Variants in TDRD12 observed in about 807,000 individuals in gnomAD.
The protein encoded by TDRD12 is tudor domain containing 12, also known as putative ATP-dependent RNA helicase TDRD12.
In TDRD12, 158 loss-of-function variants were observed where a neutral mutation model predicts 133.5. That is an observed-to-expected ratio of 1.18 (90% CI 1.04 to 1.35). The LOEUF is 1.35. TDRD12 is among the 40% of genes most tolerant of loss of function. TDRD12 has a pLI of 0.00. For synonymous variants in TDRD12, 460 were observed against 477.9 expected (o/e 0.96, Z 0.49); for missense variants, 1,443 against 1,321.3 (o/e 1.09, Z -1.43).
chr19:32,757,659 G>A (rs984186735), intron 8 of TDRD12, among the ~76,000 whole-genome samples: 1 of 152,156 alleles, frequency 6.6e-6, no homozygotes, highest in Non-Finnish European at 1.5e-5. Flanking sequence ...CTCACTTCAT[G>A]TCTTGGATAG....
chr19:32,797,892 G>C lies in TDRD12; in HGVS notation c.1630+1G>C, dbSNP rs767632411. 6.8e-5 allele frequency: 47 copies of C among 686,360 alleles called. No homozygotes were observed. The highest frequency in any genetic ancestry group is 2.5e-4 in the Admixed American group (11 of 44,666). The allele number at this position is 686,360 out of a possible 1,614,324, so 42.5% of individuals were successfully genotyped here. A position where few individuals can be genotyped will look rare whatever the true frequency, so the allele number is the denominator to read the frequency against. On this transcript the variant is annotated splice_donor_variant, in intron 15 of 27. Transcript: ENST00000444215. LOFTEE classifies it high-confidence loss of function. The stretch of plus-strand genomic sequence containing the variant: ...AAAAATACAAAGCTTCCAAGGGGCT[G>C]TAAGTATCCTTTTCAAGCGGCTATA...
At chr19:32,809,259 G>T (rs1966916659) in intron 22 of TDRD12, among the ~76,000 whole-genome samples, 1 of 152,084 alleles carries the variant, frequency 6.6e-6, no homozygotes, top group African/African-American at 2.4e-5. Context: ...TTTCACAGGG[G>T]CTCCAGCCTT....
At chr19:32,741,144 G>A (rs139006340) in intron 3 of TDRD12, among the ~76,000 whole-genome samples, 198 of 152,266 alleles carry the variant, frequency 1.3e-3, no homozygotes, top group African/African-American at 4.2e-3. Flanking sequence ...ATGCAGTGGC[G>A]TGATCTTGGC....
exon 7 of TDRD12, chr19:32,756,169 C>A: frequency 7.0e-7 from 1 of 1,425,012 alleles, no homozygotes; most frequent in South Asian, 1.6e-5. Context: ...AAAAGATGTT[C>A]AAGGAATGGA....
intron 11 of TDRD12, among the ~76,000 whole-genome samples, chr19:32,787,614 T>C (rs1970945391): frequency 6.6e-6 from 1 of 152,176 alleles, no homozygotes; most frequent in Non-Finnish European, 1.5e-5. Context: ...GTTTACACTG[T>C]GAGCATAGAA....
intron 11 of TDRD12, among the ~76,000 whole-genome samples, chr19:32,787,956 C>T (rs1970958254): frequency 6.6e-6 from 1 of 152,160 alleles, no homozygotes; most frequent in Non-Finnish European, 1.5e-5. Flanking sequence ...ACTGTCCAAC[C>T]AGTCCCAGTG....
Position 32,815,621 on chromosome 19 carries a change from G to GT in TDRD12, c.3314+2dup. 1 of 1,529,062 alleles carries GT rather than the reference G, an allele frequency of 6.5e-7. No homozygotes were observed. Among genetic ancestry groups the GT allele is most frequent in the Non-Finnish European group, 8.7e-7 (1 of 1,144,568 alleles). The allele number at this position is 1,529,062 out of a possible 1,614,324, so 94.7% of individuals were successfully genotyped here. On this transcript the variant is annotated splice_donor_variant, in intron 26 of 27. Transcript: ENST00000444215. LOFTEE classifies it high-confidence loss of function. ...GTGAAGAAAGCCTAAGCCAGACCCC[G>GT]TAAGTGGATTTCTGTCTCCTTTTTG...
chr19:32,810,721 C>T (rs1966974162), intron 23 of TDRD12, among the ~76,000 whole-genome samples: 1 of 152,128 alleles, frequency 6.6e-6, no homozygotes, highest in South Asian at 2.1e-4. Context: ...TGGTGATAGC[C>T]TTGAATTCAG....
In TDRD12 at chr19:32,733,218, CA is replaced by C. The variant is rs1310387874; in HGVS notation, c.183+1336del. On this transcript the variant is annotated intron_variant, in intron 2 of 27. Transcript: ENST00000444215. ...GCGTGGTGGCCCACGCCTGTAATCCCAGCACTTTGGGAGTCTGAGGCAGGTG... is the reference window on the plus strand; with the variant it reads ...GCGTGGTGGCCCACGCCTGTAATCCCGCACTTTGGGAGTCTGAGGCAGGTG... Among the ~76,000 whole-genome samples, 5 of 152,294 alleles carry C rather than the reference CA, an allele frequency of 3.3e-5. No homozygotes were observed. The East Asian group carries it at 9.7e-4, about 29-fold the overall frequency.
chr19:32,826,118 G>A (rs1401199769), downstream of TDRD12: 3 of 1,535,846 alleles, frequency 2.0e-6, no homozygotes, highest in South Asian at 2.4e-5. Context: ...TGGAAACACT[G>A]AAGGTGCCTT....
At chr19:32,803,228 A>G (rs1452432742) in intron 21 of TDRD12, 86 bp downstream of exon 21, 2 of 1,059,654 alleles carry the variant, frequency 1.9e-6, no homozygotes, top group Non-Finnish European at 2.6e-6. Flanking sequence ...ATTGTCATGT[A>G]TCTAGAAGCC....
At chr19:32,742,970 G>C in intron 4 of TDRD12, 70 bp downstream of exon 4, 11 of 1,529,930 alleles carry the variant, frequency 7.2e-6, no homozygotes, top group Non-Finnish European at 9.7e-6. Flanking sequence ...ATCTTTGTAT[G>C]AAGTCAGTTC....
intron 1 of TDRD12, among the ~76,000 whole-genome samples, chr19:32,721,561 T>A (rs879501147): frequency 1.3e-5 from 2 of 151,374 alleles, no homozygotes; most frequent in Non-Finnish European, 2.9e-5. Flanking sequence ...AATTTTTGTA[T>A]TTTTAGTAGA....
intron 5 of TDRD12, 144 bp from the exon 6 acceptor site, chr19:32,749,640 A>G: frequency 3.3e-6 from 2 of 598,996 alleles, no homozygotes; most frequent in Non-Finnish European, 5.8e-6. Context: ...GCCTTTTCCT[A>G]ACATGCTCCC....
At chr19:32,739,230 T>C (rs1352832865) in intron 3 of TDRD12, among the ~76,000 whole-genome samples, 1 of 152,162 alleles carries the variant, frequency 6.6e-6, no homozygotes, top group Non-Finnish European at 1.5e-5. Context: ...CTGTCCGTCC[T>C]GGCAGGACAG....
chr19:32,781,658 C>T (rs79928301), intron 11 of TDRD12, among the ~76,000 whole-genome samples: 3,459 of 152,030 alleles, frequency 0.023, 125 homozygotes, highest in African/African-American at 0.077. Context: ...ATTCTGATTT[C>T]TTATTCTTTA....
chr19:32,743,856 C>T (rs1184397343), intron 4 of TDRD12, among the ~76,000 whole-genome samples: 1 of 151,538 alleles, frequency 6.6e-6, no homozygotes, highest in Non-Finnish European at 1.5e-5. Flanking sequence ...TGGCAAAACC[C>T]TGTCTCTACT....
chr19:32,746,736 TTC>T (rs1240633645), intron 4 of TDRD12, among the ~76,000 whole-genome samples: 2 of 147,118 alleles, frequency 1.4e-5, no homozygotes, highest in African/African-American at 2.6e-5. Context: ...GATGTGGTTA[TTC>T]TGTGTGTGAG....
intron 27 of TDRD12, among the ~76,000 whole-genome samples, chr19:32,820,138 C>T (rs920997661): frequency 2.6e-5 from 4 of 152,106 alleles, no homozygotes; most frequent in Non-Finnish European, 5.9e-5. Flanking sequence ...TCAGGACGCT[C>T]GCTGCCTGAA....
Sources: allele counts gnomAD v4.1 joint callset (sites outside exome capture counted in the v4.1 genomes callset), GRCh38; gene constraint gnomAD v4.1.1; transcripts MANE v1.5; gene names NCBI Gene and HGNC (gene_info 2026-07-23, HGNC 2026-07-21).